The following POLR3B variants were observed in gnomAD, a reference collection of about 807,000 sequenced individuals.
The protein encoded by POLR3B is DNA-directed RNA polymerase III subunit RPC2.
In POLR3B, 96 loss-of-function variants were observed where a neutral mutation model predicts 147.4. That is an observed-to-expected ratio of 0.65 (90% confidence interval 0.55 to 0.77). The LOEUF (loss-of-function observed/expected upper bound fraction) is 0.77, where lower values mean the gene tolerates loss of function less well. Ranked by LOEUF, POLR3B falls within the 30% of genes least tolerant of loss-of-function variation. POLR3B has a pLI of 0.00. For synonymous variants in POLR3B, 461 were observed against 485.9 expected (o/e 0.95, Z 0.67); for missense variants, 1,036 against 1,413.5 (o/e 0.73, Z 4.28).
chr12:106,367,064 CTGCACTCTA>C (rs2036545265), intron 4 of POLR3B, among the ~76,000 whole-genome samples: 1 of 152,046 alleles, frequency 6.6e-6, no homozygotes, highest in Admixed American at 6.6e-5. Context: ...GATTGTGCCA[CTGCACTCTA>C]TCTTTTACAG....
intron 8 of POLR3B, 94 bp from the exon 9 acceptor site, chr12:106,379,937 G>T (rs1039588434): frequency 5.3e-6 from 4 of 752,600 alleles, no homozygotes; most frequent in South Asian, 1.4e-5. Context: ...TTGATCAGTT[G>T]ACCCTTATTG....
intron 20 of POLR3B, among the ~76,000 whole-genome samples, chr12:106,455,654 T>C (rs187313703): frequency 2.0e-5 from 3 of 152,352 alleles, no homozygotes; most frequent in Non-Finnish European, 2.9e-5. Context: ...AAAACACTTC[T>C]TGATTTCATG....
chr12:106,412,099 T>C (rs891113321), intron 12 of POLR3B, among the ~76,000 whole-genome samples: 1 of 152,220 alleles, frequency 6.6e-6, no homozygotes, highest in African/African-American at 2.4e-5. Flanking sequence ...ATGTGGCTCA[T>C]GTTTTTCTGT....
chr12:106,469,754 C>T (rs1485901798), intron 23 of POLR3B, among the ~76,000 whole-genome samples: 3 of 152,186 alleles, frequency 2.0e-5, no homozygotes, highest in Non-Finnish European at 4.4e-5. Flanking sequence ...AAATTCTTTT[C>T]TTTAAGAATG....
intron 9 of POLR3B, among the ~76,000 whole-genome samples, chr12:106,387,080 C>T (rs1208183318): frequency 6.6e-6 from 1 of 152,170 alleles, no homozygotes; most frequent in East Asian, 1.9e-4. Context: ...AGACTTCTCC[C>T]TTTCTGATTA....
At position 106,391,313 on chromosome 12, in the gene POLR3B, G is replaced by GC. The variant is rs576858511; in HGVS notation, c.724-1716dup. 1.1e-4 allele frequency among the ~76,000 whole-genome samples: 16 copies of GC among 152,226 alleles called. No homozygotes were observed. In the East Asian group the frequency reaches 2.9e-3, roughly 28 times the overall value. ...GACAGAGCAAGCAGGCAGCTATAGTGCCTTTTATGACCAGTCCTTCAAAGT... is the reference window on the plus strand; with the variant it reads ...GACAGAGCAAGCAGGCAGCTATAGTGCCCTTTTATGACCAGTCCTTCAAAGT... On this transcript the variant is annotated intron_variant, in intron 9 of 27. Transcript: ENST00000228347.
chr12:106,408,996 G>A (rs529535048), intron 11 of POLR3B, among the ~76,000 whole-genome samples: 20 of 152,222 alleles, frequency 1.3e-4, no homozygotes, highest in East Asian at 3.9e-4. Context: ...GGCATTTTCC[G>A]TAAATATCCA....
chr12:106,464,225 T>G (rs536849334), intron 23 of POLR3B, among the ~76,000 whole-genome samples: 11 of 152,330 alleles, frequency 7.2e-5, no homozygotes, highest in African/African-American at 2.6e-4. Flanking sequence ...TGCACAGTTT[T>G]CATCTATTTG....
chr12:106,369,205 G>A, intron 4 of POLR3B, 70 bp from the exon 5 acceptor site: 2 of 836,956 alleles, frequency 2.4e-6, no homozygotes, highest in Non-Finnish European at 2.1e-6. Context: ...GTATTTGGAA[G>A]GAAAATAGCT....
intron 21 of POLR3B, among the ~76,000 whole-genome samples, chr12:106,458,150 C>T (rs921005459): frequency 6.6e-6 from 1 of 152,132 alleles, no homozygotes; most frequent in Admixed American, 6.6e-5. Flanking sequence ...GAGACAGGGT[C>T]TCAGTCTGTC....
intron 18 of POLR3B, among the ~76,000 whole-genome samples, chr12:106,442,161 AT>A (rs779536038): frequency 7.1e-4 from 105 of 147,312 alleles, no homozygotes; most frequent in South Asian, 3.8e-3. Context: ...AAAGAGAATA[AT>A]TTTTTTTTTT....
At chr12:106,386,341 T>TC (rs1420964396) in intron 9 of POLR3B, among the ~76,000 whole-genome samples, 1 of 83,320 alleles carries the variant, frequency 1.2e-5, no homozygotes, top group East Asian at 2.2e-4. Flanking sequence ...AGACTCCGTC[T>TC]CAAAAAAAAA....
intron 24 of POLR3B, 136 bp downstream of exon 24, chr12:106,496,294 A>G (rs1234552661): frequency 4.2e-6 from 3 of 721,820 alleles, no homozygotes; most frequent in East Asian, 5.3e-5. Flanking sequence ...CTTGCCAGAT[A>G]AACAGGCTTC....
At chr12:106,453,700 G>C (rs576624507) in intron 19 of POLR3B, among the ~76,000 whole-genome samples, 1 of 152,134 alleles carries the variant, frequency 6.6e-6, no homozygotes, top group Non-Finnish European at 1.5e-5. Context: ...CTTCAGGCAG[G>C]TGCATGAACC....
intron 10 of POLR3B, among the ~76,000 whole-genome samples, chr12:106,404,654 A>G (rs1310431805): frequency 6.6e-6 from 1 of 152,150 alleles, no homozygotes; most frequent in East Asian, 1.9e-4. Context: ...CAAATCCTGG[A>G]TGTAACTTCC....
intron 4 of POLR3B, among the ~76,000 whole-genome samples, chr12:106,367,386 C>T (rs908603003): frequency 6.6e-6 from 1 of 152,142 alleles, no homozygotes; most frequent in Non-Finnish European, 1.5e-5. Flanking sequence ...AGCACAGATA[C>T]GATGTTGTCT....
At chr12:106,509,392 G>C (rs1213003262) in intron 27 of POLR3B, 28 bp from the exon 28 acceptor site, 14 of 1,612,694 alleles carry the variant, frequency 8.7e-6, no homozygotes, top group Non-Finnish European at 1.1e-5. Context: ...GTTGCTGTCT[G>C]TCTAACGCTT....
intron 10 of POLR3B, among the ~76,000 whole-genome samples, chr12:106,393,523 GTGTGTGTA>G (rs1486978364): frequency 2.3e-4 from 26 of 113,726 alleles, no homozygotes; most frequent in Non-Finnish European, 3.6e-4. Context: ...GTGTGTGTGT[GTGTGTGTA>G]TGTGTGCATG....
chr12:106,431,061 A>G (rs2037503846), intron 14 of POLR3B, among the ~76,000 whole-genome samples: 1 of 152,168 alleles, frequency 6.6e-6, no homozygotes, highest in African/African-American at 2.4e-5. Context: ...TCTAAATTGT[A>G]AAATTCTGGA....
Sources: allele counts gnomAD v4.1 joint callset (sites outside exome capture counted in the v4.1 genomes callset), GRCh38; gene constraint gnomAD v4.1.1; transcripts MANE v1.5; gene names NCBI Gene and HGNC (gene_info 2026-07-23, HGNC 2026-07-21).